Variants in SLC25A38 observed in about 807,000 individuals in gnomAD.
The protein encoded by SLC25A38 is solute carrier family 25 member 38, also known as mitochondrial glycine transporter.
SLC25A38 carries 27 observed loss-of-function variants against 33.4 expected under a neutral mutation model. That is an observed-to-expected ratio of 0.81 (90% CI 0.60 to 1.11). The LOEUF (loss-of-function observed/expected upper bound fraction) is 1.11. SLC25A38 is among the 50% of genes most tolerant of loss of function. The pLI is 0.00. For missense variants in SLC25A38, 344 were observed against 388.8 expected, an observed-to-expected ratio of 0.88 and a Z score of 0.97; for synonymous variants, 123 against 145.9, an observed-to-expected ratio of 0.84 and a Z score of 1.13.
Position 39,383,813 on chromosome 3 carries a change from G to A in SLC25A38, c.69+20G>A. On this transcript the variant is annotated intron_variant, in intron 1 of 6. Transcript: ENST00000650617. ...CTTATGGTGAGGGCACTGCGGGGAA[G>A]GAAGGGCAGGGGTCCGAACCGCGGG... The A allele has an allele frequency of 1.2e-6, 2 of 1,613,806 alleles. No individual in the cohort carries two copies. Among genetic ancestry groups the A allele is most frequent in the Non-Finnish European group, 1.7e-6 (2 of 1,179,752 alleles).
intron 1 of SLC25A38, among the ~76,000 whole-genome samples, chr3:39,385,142 G>A (rs145736424): frequency 6.6e-6 from 1 of 152,274 alleles, no homozygotes; most frequent in Non-Finnish European, 1.5e-5. Context: ...CGCAAAGGAT[G>A]TGTGCCATTC....
intron 5 of SLC25A38, among the ~76,000 whole-genome samples, chr3:39,393,761 A>G (rs2041801279): frequency 6.6e-6 from 1 of 152,200 alleles, no homozygotes; most frequent in East Asian, 1.9e-4. Flanking sequence ...GGCCTCCGAA[A>G]GTGTTGGGAT....
chr3:39,390,275 C>A, intron 2 of SLC25A38, 148 bp from the exon 3 acceptor site: 2 of 808,956 alleles, frequency 2.5e-6, no homozygotes. Flanking sequence ...AACCTACGAA[C>A]ACATAGAGTA....
At position 39,396,403 on chromosome 3, in the gene SLC25A38, T is replaced by C. The variant is rs141672367; in HGVS notation, c.798T>C (p.Tyr266=). 20 of 1,614,142 alleles carry C rather than the reference T, an allele frequency of 1.2e-5. No homozygotes were observed. The African/African-American group carries it at 2.3e-4, about 18-fold the overall frequency. Residue 266 remains tyrosine, a synonymous_variant, in exon 7 of 7, where the codon TAT becomes TAC. Coordinates refer to ENST00000650617, the MANE Select transcript of SLC25A38 (RefSeq NM_017875.4). Reference sequence around the variant, plus strand: ...GACATTTATTTTCACCATAGGACTATGGACTACGTGGCTTCTTCCAAGGTG... The same window carrying C: ...GACATTTATTTTCACCATAGGACTACGGACTACGTGGCTTCTTCCAAGGTG... ...GQAVTLIFKD[Y]GLRGFFQGGI... is the part of the protein sequence containing the mutation.
chr3:39,396,551 G>T lies in SLC25A38; in HGVS notation c.*31G>T. 6.2e-7 allele frequency: 1 copy of T among 1,613,818 alleles called. No homozygotes were observed. ...AGAGGACTGGGAACGGGTGAAATCT[G>T]TTGCCCTGCTTGGTTTCTGCCAAGG... On this transcript the variant is annotated 3_prime_UTR_variant, in exon 7 of 7. Transcript: ENST00000650617.
In SLC25A38 at chr3:39,386,125, G is replaced by A. The variant is rs1450821964; in HGVS notation, c.69+2332G>A. ...CAATTAGTATTAATGACAAATTTGT[G>A]GGATACTCTGTAGCTCCTAATACAT... On this transcript the variant is annotated intron_variant, in intron 1 of 6. Coordinates refer to ENST00000650617, the MANE Select transcript of SLC25A38 (RefSeq NM_017875.4). 3.3e-5 allele frequency among the ~76,000 whole-genome samples: 5 copies of A among 152,064 alleles called. No individual in the cohort carries two copies. The East Asian group carries it at 9.6e-4, about 29-fold the overall frequency.
Position 39,383,717 on chromosome 3 carries a change from C to T in SLC25A38, c.-8C>T, listed in dbSNP as rs762250668. 5 of 1,614,076 alleles carry T rather than the reference C, an allele frequency of 3.1e-6. No homozygotes were observed. The highest frequency in any genetic ancestry group is 1.7e-5 in the Admixed American group (1 of 60,032). ...CTGGGCCCAGAGGACTCGCGGGCCT[C>T]ATCTCCAATGATTCAGAACTCACGT... is the stretch of plus-strand genomic sequence containing the variant. On this transcript the variant is annotated 5_prime_UTR_variant, in exon 1 of 7. Transcript: ENST00000650617.
intron 1 of SLC25A38, chr3:39,384,673 C>T: frequency 2.5e-6 from 1 of 398,482 alleles, no homozygotes; most frequent in Admixed American, 4.4e-5. Context: ...GCTTGTGGAT[C>T]CAGTTTGTAC....
chr3:39,386,724 G>C (rs2041711343), intron 1 of SLC25A38, among the ~76,000 whole-genome samples: 1 of 152,200 alleles, frequency 6.6e-6, no homozygotes, highest in African/African-American at 2.4e-5. Context: ...TGGTGGATTT[G>C]AGAGCTGTTT....
intron 5 of SLC25A38, among the ~76,000 whole-genome samples, chr3:39,392,767 C>T (rs1183820905): frequency 2.6e-5 from 4 of 152,190 alleles, no homozygotes; most frequent in Non-Finnish European, 4.4e-5. Context: ...TGTCAGCATG[C>T]CCGCCATCAT....
At chr3:39,396,148 TGC>T (rs1211401909) in intron 6 of SLC25A38, among the ~76,000 whole-genome samples, 3 of 151,678 alleles carry the variant, frequency 2.0e-5, no homozygotes, top group African/African-American at 7.3e-5. Context: ...AGGCAGAGGT[TGC>T]AGTGAGCCGA....
At chr3:39,393,428 G>C (rs2041796116) in intron 5 of SLC25A38, among the ~76,000 whole-genome samples, 1 of 152,196 alleles carries the variant, frequency 6.6e-6, no homozygotes, top group South Asian at 2.1e-4. Flanking sequence ...AAGTACCTCA[G>C]TGTCTATTTC....
chr3:39,389,739 A>G lies in SLC25A38; in HGVS notation c.191+123A>G, dbSNP rs2041740888. The G allele has an allele frequency of 4.1e-6, 6 of 1,480,658 alleles. No individual in the cohort carries two copies. The highest frequency in any genetic ancestry group is 2.3e-5 in the South Asian group (2 of 86,638). 91.7% of individuals were successfully genotyped at this position (1,480,658 alleles called of 1,614,324 possible). ...CAGAGAGAAACACAGGCCATGCCCA[A>G]CTTTCATATGTTCTCTGAATTGTTT... On this transcript the variant is annotated intron_variant, in intron 2 of 6. Transcript: ENST00000650617. The surrounding 1 kb of genome is among the most constrained non-coding windows in gnomAD (Gnocchi z 4.5).
Position 39,396,661 on chromosome 3 carries a change from T to C in SLC25A38, c.*141T>C, listed in dbSNP as rs148383729. 4.4e-6 allele frequency: 6 copies of C among 1,358,534 alleles called. No homozygotes were observed. The South Asian group carries it at 7.2e-5, about 16-fold the overall frequency. The allele number at this position is 1,358,534 out of a possible 1,614,324, so 84.2% of individuals were successfully genotyped here. On this transcript the variant is annotated 3_prime_UTR_variant, in exon 7 of 7. Transcript: ENST00000650617. ...ATTGTGTTGCCTTTGCCTTCAGTAA[T>C]CCCCTTAAGGAGAAAATATATGGAC...
chr3:39,391,676 G>A, intron 4 of SLC25A38, 56 bp downstream of exon 4: 2 of 1,611,946 alleles, frequency 1.2e-6, no homozygotes, highest in Non-Finnish European at 1.7e-6. Context: ...CTGGGCTCCT[G>A]GGGAGTGACC....
At position 39,390,431 on chromosome 3, in the gene SLC25A38, G is replaced by T. The variant is rs139604640; in HGVS notation, c.200G>T (p.Arg67Leu). ...TLQPSDHGSR[R>L]VGMLAVLLKV... ...ATTTTGTCTGCTTTCAGGTCTAGAC[G>T]TGTTGGGATGTTGGCTGTACTCTTG... The change falls in exon 3 of 7, where the codon CGT becomes CTT. Residue 67 changes from arginine (R) to leucine (L), a missense_variant. By Grantham distance (102) the Arg-to-Leu change is moderately radical. Coordinates refer to ENST00000650617, the MANE Select transcript of SLC25A38 (RefSeq NM_017875.4). 16 of 1,614,066 alleles carry T rather than the reference G, an allele frequency of 9.9e-6. No homozygotes were observed. Among genetic ancestry groups the T allele is most frequent in the African/African-American group, 9.3e-5 (7 of 74,930 alleles).
In SLC25A38 at chr3:39,396,394, A is replaced by G. The variant is rs771523323; in HGVS notation, c.793-4A>G. The G allele has an allele frequency of 2.4e-5, 38 of 1,613,984 alleles. No homozygotes were observed. The highest frequency in any genetic ancestry group is 3.2e-5 in the Non-Finnish European group (38 of 1,180,024). On this transcript the variant is annotated splice_region_variant and splice_polypyrimidine_tract_variant and intron_variant, in intron 6 of 6. Coordinates refer to ENST00000650617, the MANE Select transcript of SLC25A38 (RefSeq NM_017875.4). ...CAGAGTTCTGACATTTATTTTCACC[A>G]TAGGACTATGGACTACGTGGCTTCT...
At position 39,391,974 on chromosome 3, in the gene SLC25A38, G is replaced by C; in HGVS notation, c.578G>C (p.Gly193Ala). The C allele has an allele frequency of 6.2e-7, 1 of 1,614,170 alleles. No individual in the cohort carries two copies. Among genetic ancestry groups the C allele is most frequent in the Non-Finnish European group, 8.5e-7 (1 of 1,180,042 alleles). ...CTCCTTCGAGATGCGCCCTTCTCAG[G>C]AATCTACCTGATGTTTTACAACCAG... ...ATLLRDAPFS[G>A]IYLMFYNQTK... The change falls in exon 5 of 7, where the codon GGA becomes GCA. Residue 193 changes from glycine (G) to alanine (A), a missense_variant. Coordinates refer to ENST00000650617, the MANE Select transcript of SLC25A38 (RefSeq NM_017875.4).
intron 5 of SLC25A38, 48 bp downstream of exon 5, chr3:39,392,069 A>T (rs1348715208): frequency 3.7e-6 from 6 of 1,607,844 alleles, no homozygotes; most frequent in Admixed American, 1.7e-5. Context: ...GAGACATCAG[A>T]TCCTCACCAT....
Sources: allele counts gnomAD v4.1 joint callset (sites outside exome capture counted in the v4.1 genomes callset), GRCh38; gene constraint gnomAD v4.1.1; non-coding constraint Gnocchi (gnomAD v3.1); transcripts MANE v1.5; gene names NCBI Gene and HGNC (gene_info 2026-07-23, HGNC 2026-07-21).